The following SPSB1 variants were observed in gnomAD, a reference collection of about 807,000 sequenced individuals.
SPSB1 encodes the protein splA/ryanodine receptor domain and SOCS box containing 1.
SPSB1 carries 8 observed loss-of-function variants against 21.2 expected under a neutral mutation model. That is an observed-to-expected ratio of 0.38 (90% CI 0.22 to 0.68). The LOEUF is 0.68. Among genes scored for constraint, SPSB1 ranks in the 30% least tolerant of loss-of-function variants. The pLI is 0.53. For missense variants in SPSB1, 242 were observed against 377.8 expected, an observed-to-expected ratio of 0.64 and a Z score of 2.98; for synonymous variants, 169 against 161.7, an observed-to-expected ratio of 1.05 and a Z score of -0.34.
At position 9,368,063 on chromosome 1, in the gene SPSB1, C is replaced by T; in HGVS notation, c.*488C>T. On this transcript the variant is annotated 3_prime_UTR_variant, in exon 3 of 3. Coordinates refer to ENST00000328089, the MANE Select transcript of SPSB1 (RefSeq NM_025106.4). Reference sequence around the variant, plus strand: ...GGTGCCCAGCGGGGCCATGCCATGGCAGATAAAGCTCAGGACGTCAAAAAC... The same window carrying T: ...GGTGCCCAGCGGGGCCATGCCATGGTAGATAAAGCTCAGGACGTCAAAAAC... 6.1e-6 allele frequency: 1 copy of T among 164,830 alleles called. No homozygotes were observed. The highest frequency in any genetic ancestry group is 5.5e-5 in the Admixed American group (1 of 18,184). 10.2% of individuals were successfully genotyped at this position (164,830 alleles called of 1,614,324 possible).
At chr1:9,314,439 T>C (rs1639576692) in intron 1 of SPSB1, among the ~76,000 whole-genome samples, 1 of 151,866 alleles carries the variant, frequency 6.6e-6, no homozygotes, top group Admixed American at 6.6e-5. Context: ...TGTGAGCATC[T>C]AGACCCCGAC....
rs1033191061 is a variant in SPSB1 at position 9,324,152 on chromosome 1, A to G, written c.-150+31081A>G. ...TTTTTGTGTGCCAAAGTGGGGAACC[A>G]TATTTCTGGTAGATAATCACTGGTT... On this transcript the variant is annotated intron_variant, in intron 1 of 2. Coordinates refer to ENST00000328089, the MANE Select transcript of SPSB1 (RefSeq NM_025106.4). This position sits in a 1 kb window ranked among gnomAD's most constrained non-coding sequence, Gnocchi z 4.3. 3.9e-5 allele frequency among the ~76,000 whole-genome samples: 6 copies of G among 152,176 alleles called. No individual in the cohort carries two copies. The highest frequency in any genetic ancestry group is 2.6e-4 in the Admixed American group (4 of 15,284).
rs1414640599 is a variant in SPSB1 at position 9,369,018 on chromosome 1, A to G, written c.*1443A>G. The G allele has an allele frequency of 6.6e-6, 1 of 152,464 alleles. No homozygotes were observed. The highest frequency in any genetic ancestry group is 2.4e-5 in the African/African-American group (1 of 41,386). The allele number at this position is 152,464 out of a possible 1,614,324, so 9.4% of individuals were successfully genotyped here. A position where few individuals can be genotyped will look rare whatever the true frequency, so the allele number is the denominator to read the frequency against. On this transcript the variant is annotated 3_prime_UTR_variant, in exon 3 of 3. Transcript: ENST00000328089. The stretch of plus-strand genomic sequence containing the variant: ...CTGCACAGGTACAATAGATGACTTT[A>G]TTTGTTTAAAATGTTTAATATATAT...
intron 1 of SPSB1, among the ~76,000 whole-genome samples, chr1:9,333,485 T>C (rs943784870): frequency 1.3e-5 from 2 of 152,050 alleles, no homozygotes; most frequent in African/African-American, 2.4e-5. Context: ...CGCGTGCCAC[T>C]ATGCCTGGCT....
At chr1:9,309,747 C>T (rs886078851) in intron 1 of SPSB1, among the ~76,000 whole-genome samples, 1 of 152,166 alleles carries the variant, frequency 6.6e-6, no homozygotes, top group Non-Finnish European at 1.5e-5. Flanking sequence ...GAGGCTGAGG[C>T]AGGAGAATCG....
chr1:9,354,337 C>T (rs1640325650), intron 1 of SPSB1, among the ~76,000 whole-genome samples: 2 of 152,302 alleles, frequency 1.3e-5, no homozygotes, highest in South Asian at 2.1e-4. Context: ...CCCGCCCAGG[C>T]GCCCCCACAG....
chr1:9,334,628 CA>C (rs1338777593), intron 1 of SPSB1, among the ~76,000 whole-genome samples: 3 of 152,162 alleles, frequency 2.0e-5, no homozygotes, highest in African/African-American at 7.2e-5. Context: ...TTATCTTCCC[CA>C]ACGGAAACTC....
chr1:9,343,941 A>C (rs1394700480), intron 1 of SPSB1, among the ~76,000 whole-genome samples: 1 of 151,926 alleles, frequency 6.6e-6, no homozygotes, highest in East Asian at 1.9e-4. Context: ...GCCTGCCACC[A>C]CGCCTGGCTA....
chr1:9,323,920 G>A (rs1274405252), intron 1 of SPSB1, among the ~76,000 whole-genome samples: 1 of 152,158 alleles, frequency 6.6e-6, no homozygotes, highest in Non-Finnish European at 1.5e-5. Context: ...GTGGCCCATG[G>A]GAAATTCAGG....
At chr1:9,338,639 C>G (rs1640041943) in intron 1 of SPSB1, among the ~76,000 whole-genome samples, 2 of 152,266 alleles carry the variant, frequency 1.3e-5, no homozygotes, top group Admixed American at 1.3e-4. Context: ...GGAAAAGGGT[C>G]TGGGAAGGGA....
At chr1:9,340,841 C>G (rs1640079906) in intron 1 of SPSB1, among the ~76,000 whole-genome samples, 1 of 152,248 alleles carries the variant, frequency 6.6e-6, no homozygotes, top group Non-Finnish European at 1.5e-5. Flanking sequence ...AGCAGCTCTG[C>G]CCAGCAAGGC....
At chr1:9,360,850 C>G (rs1383079155) in intron 2 of SPSB1, among the ~76,000 whole-genome samples, 2 of 152,242 alleles carry the variant, frequency 1.3e-5, no homozygotes, top group East Asian at 3.8e-4. Flanking sequence ...ACTGGTCAAC[C>G]CGCTTCAGAT....
At position 9,324,531 on chromosome 1, in the gene SPSB1, G is replaced by C. The variant is rs1171827755; in HGVS notation, c.-149-31212G>C. On this transcript the variant is annotated intron_variant, in intron 1 of 2. Coordinates refer to ENST00000328089, the MANE Select transcript of SPSB1 (RefSeq NM_025106.4). The surrounding 1 kb of genome is among the most constrained non-coding windows in gnomAD (Gnocchi z 4.3). ...TGTGGGCCCGGGACTCGGTGTGTCCGATGAGGAAACCAGCTTGGGTGGGGA... is the reference window on the plus strand; with the variant it reads ...TGTGGGCCCGGGACTCGGTGTGTCCCATGAGGAAACCAGCTTGGGTGGGGA... Among the ~76,000 whole-genome samples the C allele has an allele frequency of 6.6e-6, 1 of 152,154 alleles. No individual in the cohort carries two copies. The highest frequency in any genetic ancestry group is 2.4e-5 in the African/African-American group (1 of 41,426).
At position 9,362,065 on chromosome 1, in the gene SPSB1, G is replaced by A. The variant is rs552590701; in HGVS notation, c.695-5383G>A. On this transcript the variant is annotated intron_variant, in intron 2 of 2. Transcript: ENST00000328089. ...TTGAAGGTTCAGGGAAGGTCAGCTCGTCTCCTCAAGATCAGAGCCTCCTCC... is the reference window on the plus strand; with the variant it reads ...TTGAAGGTTCAGGGAAGGTCAGCTCATCTCCTCAAGATCAGAGCCTCCTCC... Among the ~76,000 whole-genome samples the A allele has an allele frequency of 1.2e-4, 19 of 152,324 alleles. No individual in the cohort carries two copies. The East Asian group carries it at 1.9e-3, about 15-fold the overall frequency.
At chr1:9,303,613 G>GT (rs1448586705) in intron 1 of SPSB1, among the ~76,000 whole-genome samples, 2 of 152,190 alleles carry the variant, frequency 1.3e-5, no homozygotes, top group Non-Finnish European at 2.9e-5. Flanking sequence ...AAGTTATTGA[G>GT]TATCAGAGGA....
rs746342692 is a variant in SPSB1, at chr1:9,367,592, G to A, written c.*17G>A. 9 of 1,586,312 alleles carry A rather than the reference G, an allele frequency of 5.7e-6. No individual in the cohort carries two copies. The highest frequency in any genetic ancestry group is 3.5e-5 in the Admixed American group (2 of 56,684). The stretch of plus-strand genomic sequence containing the variant: ...TACCAGTGACGTTCGCCATCATACC[G>A]CCAGCGCGACAGCCACCTGGTGCCA... On this transcript the variant is annotated 3_prime_UTR_variant, in exon 3 of 3. Coordinates refer to ENST00000328089, the MANE Select transcript of SPSB1 (RefSeq NM_025106.4). This position sits in a 1 kb window ranked among gnomAD's most constrained non-coding sequence, Gnocchi z 5.9.
At chr1:9,320,331 G>A (rs1036001458) in intron 1 of SPSB1, among the ~76,000 whole-genome samples, 56 of 152,248 alleles carry the variant, frequency 3.7e-4, no homozygotes, top group Middle Eastern at 3.4e-3. Context: ...TGTCTGTGTC[G>A]CCTCCTCCAT....
chr1:9,301,151 G>A (rs181634653), intron 1 of SPSB1, among the ~76,000 whole-genome samples: 39 of 152,314 alleles, frequency 2.6e-4, no homozygotes, highest in African/African-American at 9.1e-4. Flanking sequence ...TGGATGGTCA[G>A]GGATTTGGGG....
At position 9,293,225 on chromosome 1, in the gene SPSB1, C is replaced by A. The variant is rs1474390938; in HGVS notation, c.-150+154C>A. Among the ~76,000 whole-genome samples the A allele has an allele frequency of 1.3e-5, 2 of 148,676 alleles. No individual in the cohort carries two copies. The highest frequency in any genetic ancestry group is 3.0e-5 in the Non-Finnish European group (2 of 66,722). ...CGGGCGCGGGGGAGCGGGTGGAGTA[C>A]GGGATGGGGACTCGGGGCGCGGCCC... is the stretch of plus-strand genomic sequence containing the variant. On this transcript the variant is annotated intron_variant, in intron 1 of 2. Transcript: ENST00000328089. This position sits in a 1 kb window ranked among gnomAD's most constrained non-coding sequence, Gnocchi z 5.1.
Sources: gnomAD v4.1 joint callset for allele counts (sites outside exome capture counted in the v4.1 genomes callset) on GRCh38, gnomAD v4.1.1 for gene constraint, Gnocchi (gnomAD v3.1) non-coding constraint, MANE v1.5 for transcripts, NCBI Gene and HGNC (gene_info 2026-07-23, HGNC 2026-07-21) for gene names.